The following ATXN8OS variants were observed in gnomAD, a reference collection of about 807,000 sequenced individuals.
The protein encoded by ATXN8OS is ATXN8 opposite strand lncRNA.
chr13:70,116,821 C>T (rs1888286424), intron 2 of ATXN8OS, among the ~76,000 whole-genome samples: 1 of 152,034 alleles, frequency 6.6e-6, no homozygotes, highest in South Asian at 2.1e-4. Flanking sequence ...GACATTGTTG[C>T]CAGGTCTGGC....
chr13:70,143,965 A>C (rs2137494369), intron 3 of ATXN8OS, among the ~76,000 whole-genome samples: 1 of 152,254 alleles, frequency 6.6e-6, no homozygotes, highest in South Asian at 2.1e-4. Context: ...CCAAAGCGGT[A>C]TGTAAATTAA....
At chr13:70,125,844 T>A (rs1888425612) in intron 2 of ATXN8OS, among the ~76,000 whole-genome samples, 1 of 152,082 alleles carries the variant, frequency 6.6e-6, no homozygotes, top group African/African-American at 2.4e-5. Context: ...CCTCCTAGAC[T>A]TTACATATAA....
chr13:70,144,027 A>T (rs956399584), intron 3 of ATXN8OS, among the ~76,000 whole-genome samples: 1 of 152,186 alleles, frequency 6.6e-6, no homozygotes, highest in Non-Finnish European at 1.5e-5. Context: ...CAGAAAATAA[A>T]ACTGTCACAG....
intron 1 of ATXN8OS, among the ~76,000 whole-genome samples, chr13:70,108,747 A>C (rs981681450): frequency 6.6e-6 from 1 of 152,238 alleles, no homozygotes; most frequent in Non-Finnish European, 1.5e-5. Flanking sequence ...GGCTGCCATC[A>C]GTTTGCAGGT....
intron 3 of ATXN8OS, among the ~76,000 whole-genome samples, chr13:70,138,038 G>A (rs1456232639): frequency 2.0e-5 from 3 of 152,170 alleles, no homozygotes; most frequent in Admixed American, 6.6e-5. Context: ...TTATTATCAC[G>A]AGAACAACAT....
chr13:70,171,380 T>C (rs931685553), exon 5 of ATXN8OS, among the ~76,000 whole-genome samples: 2 of 152,134 alleles, frequency 1.3e-5, no homozygotes, highest in Non-Finnish European at 2.9e-5. Context: ...GCACTTAGCA[T>C]GAATAGAGCT....
intron 3 of ATXN8OS, among the ~76,000 whole-genome samples, chr13:70,140,763 C>T (rs1317813992): frequency 1.3e-5 from 2 of 151,840 alleles, no homozygotes; most frequent in African/African-American, 4.8e-5. Flanking sequence ...ATTTAATGCC[C>T]CCTAACCCTG....
intron 1 of ATXN8OS, chr13:70,108,231 C>A (rs1423074130): frequency 2.6e-6 from 1 of 390,912 alleles, no homozygotes; most frequent in Non-Finnish European, 4.5e-6. Flanking sequence ...GAAGCGTACC[C>A]CTCGCCAGAT....
rs555068687 is a variant in ATXN8OS, at chr13:70,114,328, C to G, written n.241-813C>G. ...CTGTATAACTCTAGTCACTGGCCAT[C>G]ATGGCACATGTAAATTCTCTTTCTT... On this transcript the variant is annotated intron_variant and non_coding_transcript_variant, in intron 1 of 4. Coordinates refer to ENST00000678624, the Ensembl canonical transcript of ATXN8OS. 1.2e-4 allele frequency among the ~76,000 whole-genome samples: 19 copies of G among 152,224 alleles called. No homozygotes were observed. The East Asian group carries it at 3.5e-3, about 28-fold the overall frequency.
At chr13:70,139,365 A>G (rs1888664185) in intron 3 of ATXN8OS, 2 of 613,774 alleles carry the variant, frequency 3.3e-6, no homozygotes, top group South Asian at 2.1e-5. Context: ...TACTACTACT[A>G]CTACTACTAC....
chr13:70,113,250 C>T (rs1888224120), intron 1 of ATXN8OS, among the ~76,000 whole-genome samples: 1 of 151,768 alleles, frequency 6.6e-6, no homozygotes, highest in Admixed American at 6.6e-5. Flanking sequence ...ACTTTCTATC[C>T]CTTTTATGAA....
intron 2 of ATXN8OS, among the ~76,000 whole-genome samples, chr13:70,125,422 C>T (rs955973675): frequency 1.3e-5 from 2 of 152,074 alleles, no homozygotes; most frequent in Non-Finnish European, 1.5e-5. Context: ...ACGAGGTAAA[C>T]GCCATACCAT....
At chr13:70,170,826 C>T (rs1222743289) in exon 5 of ATXN8OS, among the ~76,000 whole-genome samples, 2 of 151,994 alleles carry the variant, frequency 1.3e-5, no homozygotes, top group African/African-American at 4.8e-5. Context: ...CAAGTAATAG[C>T]CTACTACACA....
At chr13:70,122,296 C>T (rs1275189677) in intron 2 of ATXN8OS, among the ~76,000 whole-genome samples, 1 of 151,900 alleles carries the variant, frequency 6.6e-6, no homozygotes, top group East Asian at 1.9e-4. Context: ...TTTTGTTCAT[C>T]TAGTATTACA....
intron 4 of ATXN8OS, among the ~76,000 whole-genome samples, chr13:70,147,453 A>G (rs1202145225): frequency 1.3e-5 from 2 of 152,018 alleles, no homozygotes; most frequent in African/African-American, 4.8e-5. Flanking sequence ...ATATAGATGG[A>G]GCATATGTTA....
chr13:70,151,766 T>TA (rs1358786936), intron 4 of ATXN8OS, among the ~76,000 whole-genome samples: 1 of 152,098 alleles, frequency 6.6e-6, no homozygotes, highest in Non-Finnish European at 1.5e-5. Context: ...TTTATATATG[T>TA]TTTAGAAGTC....
intron 1 of ATXN8OS, among the ~76,000 whole-genome samples, chr13:70,114,745 T>C (rs1320989002): frequency 6.6e-6 from 1 of 152,174 alleles, no homozygotes; most frequent in Non-Finnish European, 1.5e-5. Flanking sequence ...ATGATTTCAT[T>C]CTATCTTGAT....
intron 4 of ATXN8OS, among the ~76,000 whole-genome samples, chr13:70,163,213 C>T (rs1387435846): frequency 6.6e-6 from 1 of 151,998 alleles, no homozygotes; most frequent in Non-Finnish European, 1.5e-5. Flanking sequence ...CCAACTGGCC[C>T]TATGCAGCAA....
intron 2 of ATXN8OS, among the ~76,000 whole-genome samples, chr13:70,119,642 G>A (rs1010809533): frequency 6.6e-6 from 1 of 152,178 alleles, no homozygotes; most frequent in East Asian, 1.9e-4. Context: ...TCTGTAATAT[G>A]AAAATTCCAA....
Sources: gnomAD v4.1 joint callset for allele counts (sites outside exome capture counted in the v4.1 genomes callset) on GRCh38, gnomAD v4.1.1 for gene constraint, MANE v1.5 for transcripts, NCBI Gene and HGNC (gene_info 2026-07-23, HGNC 2026-07-21) for gene names.